STIL: variants seen among roughly 807,000 people sequenced by gnomAD.
STIL encodes SCL-interrupting locus protein.
In STIL, 55 loss-of-function variants were observed where a neutral mutation model predicts 110.1. The ratio of observed to expected loss-of-function variants is 0.50; its 90% CI spans 0.40 to 0.63. STIL has a LOEUF of 0.63. Ranked by LOEUF, STIL falls within the 20% of genes least tolerant of loss-of-function variation. The pLI is 0.00. For synonymous variants in STIL, 481 were observed against 530.0 expected (o/e 0.91, Z 1.27); for missense variants, 1,358 against 1,530.0 (o/e 0.89, Z 1.87).
chr1:47,265,085 A>C (rs560792762), intron 14 of STIL, among the ~76,000 whole-genome samples: 1 of 151,394 alleles, frequency 6.6e-6, no homozygotes, highest in Non-Finnish European at 1.5e-5. Flanking sequence ...AAAATACAAA[A>C]ATTAGCTGGG....
At chr1:47,308,478 G>T (rs1418235102) in intron 2 of STIL, among the ~76,000 whole-genome samples, 1 of 151,668 alleles carries the variant, frequency 6.6e-6, no homozygotes, top group African/African-American at 2.4e-5. Context: ...GTTAGAACTG[G>T]AGATCACCAT....
intron 1 of STIL, among the ~76,000 whole-genome samples, chr1:47,311,693 A>G (rs983164653): frequency 6.6e-6 from 1 of 152,108 alleles, no homozygotes; most frequent in African/African-American, 2.4e-5. Flanking sequence ...TATGTCCTAT[A>G]TTCTTTCAAG....
Position 47,270,240 on chromosome 1 carries a change from AAATATATATAT to A in STIL, c.2384-385_2384-375del, listed in dbSNP as rs1391902593. 2.4e-4 allele frequency among the ~76,000 whole-genome samples: 28 copies of A among 118,020 alleles called. 1 individual carries two copies. Among genetic ancestry groups the A allele is most frequent in the African/African-American group, 9.0e-4 (28 of 30,942 alleles). The allele number at this position is 118,020 out of a possible 152,430, so 77.4% of individuals were successfully genotyped here. A position where few individuals can be genotyped will look rare whatever the true frequency, so the allele number is the denominator to read the frequency against. On this transcript the variant is annotated intron_variant, in intron 13 of 16. Transcript: ENST00000371877. ...GCAACTCTGGCTCAAAAAAAAAAAA[AAATATATATAT>A]ATATACACACACACACACACACACA...
chr1:47,303,072 A>G (rs1645853249), intron 3 of STIL, among the ~76,000 whole-genome samples: 1 of 152,196 alleles, frequency 6.6e-6, no homozygotes, highest in Admixed American at 6.5e-5. Flanking sequence ...GGAATAAGAT[A>G]CTACGAAAAA....
chr1:47,313,483 C>T (rs1646197967), intron 1 of STIL, among the ~76,000 whole-genome samples: 1 of 152,064 alleles, frequency 6.6e-6, no homozygotes, highest in South Asian at 2.1e-4. Flanking sequence ...CTTGCAGTGC[C>T]CCGGTTTCAA....
chr1:47,275,364 T>A (rs557806959), intron 12 of STIL, among the ~76,000 whole-genome samples: 1 of 152,034 alleles, frequency 6.6e-6, no homozygotes, highest in Admixed American at 6.5e-5. Context: ...ATCCCAGCAC[T>A]TTGGGAGGCT....
At chr1:47,303,448 C>T (rs550039234) in intron 3 of STIL, among the ~76,000 whole-genome samples, 2 of 152,240 alleles carry the variant, frequency 1.3e-5, no homozygotes, top group African/African-American at 4.8e-5. Flanking sequence ...GTCTGTAATT[C>T]GAGCTACTTG....
intron 1 of STIL, among the ~76,000 whole-genome samples, chr1:47,312,452 CAAA>C (rs1008201063): frequency 7.5e-6 from 1 of 132,950 alleles, no homozygotes. Context: ...GACTCCGTCT[CAAA>C]AAAAAAAAAA....
rs1301670937 is a variant in STIL at position 47,281,818 on chromosome 1, TAAAC to T, written c.1248+523_1248+526del. Among the ~76,000 whole-genome samples, 4 of 152,138 alleles carry T rather than the reference TAAAC, an allele frequency of 2.6e-5. No homozygotes were observed. In the East Asian group the frequency reaches 7.7e-4, roughly 29 times the overall value. On this transcript the variant is annotated intron_variant, in intron 11 of 16. Coordinates refer to ENST00000371877, the MANE Select transcript of STIL (RefSeq NM_001048166.1). The stretch of plus-strand genomic sequence containing the variant: ...TTCCTTTTTCTTCTAAAATAAGAAT[TAAAC>T]AATTCTAAAATGACCCACAGGTTGG...
chr1:47,303,408 C>T (rs1000749405), intron 3 of STIL, among the ~76,000 whole-genome samples: 2 of 152,016 alleles, frequency 1.3e-5, no homozygotes, highest in Non-Finnish European at 2.9e-5. Context: ...CTACCAAATA[C>T]AAAAAAATTA....
In STIL at chr1:47,304,957, T is replaced by C. The variant is rs572125774; in HGVS notation, c.84A>G (p.Pro28=). ...SSRMVPFHFP[P]SKCALWNPTP... ...TTGGGTTCCAAAGTGCACATTTTGA[T>C]GGAGGAAAGTGGAAAGGTACCATCC... The change falls in exon 3 of 17, where the codon CCA becomes CCG. Residue 28 remains proline, a synonymous_variant. Coordinates refer to ENST00000371877, the MANE Select transcript of STIL (RefSeq NM_001048166.1). The C allele has an allele frequency of 7.4e-6, 12 of 1,614,090 alleles. No homozygotes were observed. Among genetic ancestry groups the C allele is most frequent in the East Asian group, 6.7e-5 (3 of 44,868 alleles).
intron 3 of STIL, among the ~76,000 whole-genome samples, chr1:47,303,233 A>G (rs1645857231): frequency 6.6e-6 from 1 of 152,216 alleles, no homozygotes. Context: ...TACTATAAGT[A>G]TCCTCTCATA....
chr1:47,309,774 G>A (rs191644531), intron 2 of STIL, among the ~76,000 whole-genome samples: 3 of 152,288 alleles, frequency 2.0e-5, no homozygotes, highest in South Asian at 4.1e-4. Flanking sequence ...CTTGACAAAG[G>A]CTTAGGAACA....
chr1:47,299,956 T>C lies in STIL; in HGVS notation c.650A>G (p.Asn217Ser). 6.2e-7 allele frequency: 1 copy of C among 1,614,156 alleles called. No homozygotes were observed. The highest frequency in any genetic ancestry group is 1.1e-5 in the South Asian group (1 of 91,088). ...IPIIPTALARNLSSNLNISQV... is the reference protein window; with the variant it reads ...IPIIPTALARSLSSNLNISQV... Reference sequence around the variant, plus strand: ...AGAAATATTCAGATTACTGCTCAAGTTTCTTGCCAGAGCTGTTGGAATAAT... The same window carrying C: ...AGAAATATTCAGATTACTGCTCAAGCTTCTTGCCAGAGCTGTTGGAATAAT... Residue 217 changes from asparagine (N) to serine (S), a missense_variant, in exon 6 of 17, where the codon AAC becomes AGC. Transcript: ENST00000371877.
chr1:47,291,688 C>CCCGA (rs1645495016), intron 8 of STIL, among the ~76,000 whole-genome samples: 1 of 152,198 alleles, frequency 6.6e-6, no homozygotes, highest in East Asian at 1.9e-4. Flanking sequence ...GCCTCAACCT[C>CCCGA]CCGAGCAGCT....
At chr1:47,288,892 CA>C (rs138649605) in intron 9 of STIL, among the ~76,000 whole-genome samples, 12,902 of 94,710 alleles carry the variant, frequency 0.14, 868 homozygotes, top group East Asian at 0.31. Context: ...AATGAAAATA[CA>C]AAAAAAAAAA....
At chr1:47,268,604 C>G (rs1644723732) in intron 14 of STIL, among the ~76,000 whole-genome samples, 1 of 151,444 alleles carries the variant, frequency 6.6e-6, no homozygotes, top group African/African-American at 2.4e-5. Context: ...AAAATACAAA[C>G]AAAATTAGCC....
At chr1:47,252,776 T>TACAC (rs1491495828) in intron 16 of STIL, among the ~76,000 whole-genome samples, 11 of 103,920 alleles carry the variant, frequency 1.1e-4, no homozygotes, top group Non-Finnish European at 1.4e-4. Flanking sequence ...GATATGGGCT[T>TACAC]ATACACACAC....
chr1:47,273,602 T>C (rs951161548), intron 12 of STIL, among the ~76,000 whole-genome samples: 1 of 152,238 alleles, frequency 6.6e-6, no homozygotes, highest in African/African-American at 2.4e-5. Context: ...ACTCATCAGC[T>C]GACAGACATT....
Sources: gnomAD v4.1 joint callset for allele counts (sites outside exome capture counted in the v4.1 genomes callset) on GRCh38, gnomAD v4.1.1 for gene constraint, MANE v1.5 for transcripts, NCBI Gene and HGNC (gene_info 2026-07-23, HGNC 2026-07-21) for gene names.